The following HECW1 variants were observed in gnomAD, a reference collection of about 807,000 sequenced individuals.
The protein encoded by HECW1 is HECT, C2 and WW domain containing E3 ubiquitin protein ligase 1.
HECW1 carries 61 observed loss-of-function variants against 182.3 expected under a neutral mutation model. That is an observed-to-expected ratio of 0.33 (90% CI 0.27 to 0.41). The LOEUF (loss-of-function observed/expected upper bound fraction) is 0.41. HECW1 is among the 10% of genes least tolerant of loss of function. The pLI, the probability that HECW1 is intolerant of heterozygous loss-of-function variation, is 1.00. For synonymous variants in HECW1, 859 were observed against 832.6 expected, an observed-to-expected ratio of 1.03 and a Z score of -0.55; for missense variants, 1,739 against 2,108.9, an observed-to-expected ratio of 0.82 and a Z score of 3.44.
At chr7:43,338,862 T>G (rs1812618956) in intron 5 of HECW1, among the ~76,000 whole-genome samples, 1 of 152,218 alleles carries the variant, frequency 6.6e-6, no homozygotes, top group South Asian at 2.1e-4. Flanking sequence ...TTTCTTTTAG[T>G]GCAATCCCAC....
intron 18 of HECW1, among the ~76,000 whole-genome samples, chr7:43,492,807 G>C (rs1211784789): frequency 2.0e-5 from 3 of 152,186 alleles, no homozygotes; most frequent in Non-Finnish European, 4.4e-5. Context: ...TCCTTTACCT[G>C]TTCATGCAGA....
At chr7:43,508,866 C>T in intron 23 of HECW1, 103 bp from the exon 24 acceptor site, 1 of 1,246,960 alleles carries the variant, frequency 8.0e-7, no homozygotes, top group Non-Finnish European at 1.1e-6. Context: ...CTCTGCTTTC[C>T]CCAGCACCCA....
intron 16 of HECW1, among the ~76,000 whole-genome samples, chr7:43,479,181 T>A (rs2078327207): frequency 6.6e-6 from 1 of 152,216 alleles, no homozygotes; most frequent in Non-Finnish European, 1.5e-5. Context: ...CACTGTGATG[T>A]ATAATCAGTG....
chr7:43,241,365 C>T (rs1798858444), intron 2 of HECW1: 1 of 152,132 alleles, frequency 6.6e-6, no homozygotes, highest in African/African-American at 2.4e-5. Context: ...GGTAAGCTTC[C>T]AGGAGCTGGA....
At chr7:43,477,620 A>G (rs2078267530) in intron 16 of HECW1, among the ~76,000 whole-genome samples, 1 of 152,092 alleles carries the variant, frequency 6.6e-6, no homozygotes, top group Non-Finnish European at 1.5e-5. Flanking sequence ...GCCCTTTTTG[A>G]ATCTGTGTGG....
Position 43,554,716 on chromosome 7 carries a change from C to T in HECW1, c.4635C>T (p.Phe1545=), listed in dbSNP as rs375902111. Residue 1545 remains phenylalanine (F), a synonymous_variant, in exon 29 of 30, where the codon TTC becomes TTT. Transcript: ENST00000395891. ...CATCCAGCGTGCCCTACGAAGGCTT[C>T]GCAGCCCTCCGTGGGAGCAATGGGC... ...TGTSSVPYEG[F]AALRGSNGLR... The T allele has an allele frequency of 6.8e-6, 11 of 1,614,022 alleles. No homozygotes were observed. In the African/African-American group the frequency reaches 1.1e-4, roughly 16 times the overall value.
chr7:43,170,074 C>T lies in HECW1; in HGVS notation c.-32+55683C>T, dbSNP rs142696466. The stretch of plus-strand genomic sequence containing the variant: ...GGCCATGGCCTGTTGGGAACTGGGC[C>T]TCACAGCAGGAGGTGAGCAAGCATT... On this transcript the variant is annotated intron_variant, in intron 2 of 29. Transcript: ENST00000395891. Among the ~76,000 whole-genome samples, 116 of 152,292 alleles carry T rather than the reference C, an allele frequency of 7.6e-4. 1 individual carries two copies. Among genetic ancestry groups the T allele is most frequent in the Middle Eastern group, 6.8e-3 (2 of 294 alleles).
In HECW1 at chr7:43,499,468, C is replaced by CAAA. The variant is rs368228440; in HGVS notation, c.3438-1223_3438-1221dup. ...TGGGCAACAGAGCAAGACTCTGTCT[C>CAAA]AAAAAAAAAAGAAAGAAAGAAAGAA... On this transcript the variant is annotated intron_variant, in intron 19 of 29. Transcript: ENST00000395891. Among the ~76,000 whole-genome samples, 82 of 135,036 alleles carry CAAA rather than the reference C, an allele frequency of 6.1e-4. No homozygotes were observed. The Middle Eastern group carries it at 0.011, about 19-fold the overall frequency. 88.6% of individuals were successfully genotyped at this position (135,036 alleles called of 152,430 possible).
At chr7:43,517,144 G>A (rs1560858) in intron 24 of HECW1, among the ~76,000 whole-genome samples, 39,791 of 151,938 alleles carry the variant, frequency 0.26, 5,291 homozygotes, top group South Asian at 0.36. Context: ...GGATTTTCAG[G>A]GCCAGATTTC....
At chr7:43,461,707 C>A (rs1008292156) in intron 13 of HECW1, among the ~76,000 whole-genome samples, 1 of 152,144 alleles carries the variant, frequency 6.6e-6, no homozygotes, top group African/African-American at 2.4e-5. Flanking sequence ...TGGTGAATTA[C>A]AACAAATGAT....
intron 6 of HECW1, among the ~76,000 whole-genome samples, chr7:43,393,185 G>A (rs763148400): frequency 6.6e-4 from 101 of 152,024 alleles, no homozygotes; most frequent in Non-Finnish European, 1.1e-3. Context: ...AACAGAGAGA[G>A]GGGGGGCAAC....
At chr7:43,215,463 A>G (rs973544789) in intron 2 of HECW1, among the ~76,000 whole-genome samples, 1 of 152,164 alleles carries the variant, frequency 6.6e-6, no homozygotes, top group Admixed American at 6.5e-5. Flanking sequence ...TGGCATTCTC[A>G]TTGTCTTTCA....
At chr7:43,265,222 T>C (rs896165673) in intron 3 of HECW1, among the ~76,000 whole-genome samples, 49 of 152,210 alleles carry the variant, frequency 3.2e-4, no homozygotes, top group African/African-American at 1.2e-3. Context: ...ATCTCTGAGG[T>C]TGCCAGTTTC....
At chr7:43,391,322 A>C (rs1304367496) in intron 6 of HECW1, among the ~76,000 whole-genome samples, 1 of 152,190 alleles carries the variant, frequency 6.6e-6, no homozygotes, top group Non-Finnish European at 1.5e-5. Flanking sequence ...TATAGAAATG[A>C]AAACTCTCTT....
At chr7:43,311,648 C>G in intron 3 of HECW1, 115 bp from the exon 4 acceptor site, 3 of 924,970 alleles carry the variant, frequency 3.2e-6, no homozygotes, top group Non-Finnish European at 3.6e-6. Flanking sequence ...ATCTGCCCAG[C>G]AGGGCAGCTC....
chr7:43,212,314 A>G (rs1321542448), intron 2 of HECW1, among the ~76,000 whole-genome samples: 3 of 152,232 alleles, frequency 2.0e-5, no homozygotes, highest in Admixed American at 2.0e-4. Context: ...CTCTTTATTT[A>G]CAGTCATTTG....
At chr7:43,457,134 A>C (rs915005596) in intron 13 of HECW1, among the ~76,000 whole-genome samples, 3 of 152,212 alleles carry the variant, frequency 2.0e-5, no homozygotes, top group African/African-American at 7.2e-5. Context: ...CAAAGCCTTA[A>C]ACAGTATCAG....
At chr7:43,139,566 C>T (rs1357999842) in intron 2 of HECW1, among the ~76,000 whole-genome samples, 2 of 152,086 alleles carry the variant, frequency 1.3e-5, no homozygotes, top group Non-Finnish European at 2.9e-5. Context: ...TTTAACAAGG[C>T]GTTTTCACAT....
Position 43,444,086 on chromosome 7 carries a change from A to C in HECW1, c.1046-132A>C. On this transcript the variant is annotated intron_variant, in intron 10 of 29. Transcript: ENST00000395891. This position sits in a 1 kb window ranked among gnomAD's most constrained non-coding sequence, Gnocchi z 4.3. ...TTCACTAGAGCTCTGGCCAGTGAGAAACCCTCATCAACCTACATTCAATAT... is the reference window on the plus strand; with the variant it reads ...TTCACTAGAGCTCTGGCCAGTGAGACACCCTCATCAACCTACATTCAATAT... 45 of 903,382 alleles carry C rather than the reference A, an allele frequency of 5.0e-5. No homozygotes were observed. Among genetic ancestry groups the C allele is most frequent in the Non-Finnish European group, 7.2e-5 (44 of 610,734 alleles). The allele number at this position is 903,382 out of a possible 1,614,324, so 56.0% of individuals were successfully genotyped here.
Sources: gnomAD v4.1 joint callset for allele counts (sites outside exome capture counted in the v4.1 genomes callset) on GRCh38, gnomAD v4.1.1 for gene constraint, Gnocchi (gnomAD v3.1) non-coding constraint, MANE v1.5 for transcripts, NCBI Gene and HGNC (gene_info 2026-07-23, HGNC 2026-07-21) for gene names.